Variants in CDHR3 observed in about 807,000 individuals in gnomAD.
The protein encoded by CDHR3 is cadherin-related family member 3.
Under a neutral mutation model 86.6 loss-of-function variants are expected in CDHR3, and 79 were observed. The ratio of observed to expected loss-of-function variants is 0.91; its 90% CI spans 0.76 to 1.10. CDHR3 has a LOEUF of 1.10. Among genes scored for constraint, CDHR3 ranks in the 50% least tolerant of loss-of-function variants. The pLI is 0.00. For missense variants in CDHR3, 1,081 were observed against 1,077.6 expected, an observed-to-expected ratio of 1.00 and a Z score of -0.04; for synonymous variants, 421 against 402.4, an observed-to-expected ratio of 1.05 and a Z score of -0.55.
chr7:105,988,075 G>A (rs1210452074), intron 4 of CDHR3, among the ~76,000 whole-genome samples: 1 of 152,150 alleles, frequency 6.6e-6, no homozygotes, highest in Non-Finnish European at 1.5e-5. Flanking sequence ...ATTTTTTATA[G>A]ATAGGGTTTC....
rs1160699179 is a variant in CDHR3, at chr7:106,020,530, A to T, written c.1811A>T (p.Tyr604Phe). The T allele has an allele frequency of 6.2e-7, 1 of 1,613,618 alleles. No individual in the cohort carries two copies. ...GATTCCAGCCCCAGATCTTTCCGTT[A>T]TTCCATTGGCCCAGGTATAGTACTT... ...DLDSSPRSFR[Y>F]SIGPGNVNNH... is the part of the protein sequence containing the mutation. The change falls in exon 13 of 19, where the codon TAT (tyrosine) becomes TTT (phenylalanine). Residue 604 changes from tyrosine (Y) to phenylalanine (F), a missense_variant. Physicochemically the swap from Tyr to Phe is conservative, Grantham distance 22. Coordinates refer to ENST00000317716, the MANE Select transcript of CDHR3 (RefSeq NM_152750.5).
At chr7:106,027,296 C>T (rs1179202241) in intron 16 of CDHR3, among the ~76,000 whole-genome samples, 3 of 151,782 alleles carry the variant, frequency 2.0e-5, no homozygotes, top group Admixed American at 2.0e-4. Context: ...ACTCGGGAGG[C>T]TGAGGCAGGA....
chr7:105,974,838 C>T lies in CDHR3; in HGVS notation c.47-6C>T, dbSNP rs750243356. Reference sequence around the variant, plus strand: ...CATGTCATCCTGCACCCTTTTTACTCCACAGGGGGAGAAGCACTACACCTA... The same window carrying T: ...CATGTCATCCTGCACCCTTTTTACTTCACAGGGGGAGAAGCACTACACCTA... On this transcript the variant is annotated splice_region_variant and splice_polypyrimidine_tract_variant and intron_variant, in intron 1 of 18. Transcript: ENST00000317716. The T allele has an allele frequency of 6.2e-7, 1 of 1,612,002 alleles. No homozygotes were observed. Among genetic ancestry groups the T allele is most frequent in the Non-Finnish European group, 8.5e-7 (1 of 1,179,004 alleles).
At chr7:106,024,220 A>G (rs1038496379) in intron 14 of CDHR3, among the ~76,000 whole-genome samples, 161 bp from the exon 15 acceptor site, 1 of 152,184 alleles carries the variant, frequency 6.6e-6, no homozygotes, top group Non-Finnish European at 1.5e-5. Flanking sequence ...ACTATAAATA[A>G]GGTGATGGGT....
At chr7:105,963,902 A>G (rs1325227279) in intron 1 of CDHR3, among the ~76,000 whole-genome samples, 1 of 152,200 alleles carries the variant, frequency 6.6e-6, no homozygotes, top group African/African-American at 2.4e-5. Context: ...AGAATCTTAG[A>G]TGATCTTTTT....
chr7:106,015,788 A>G (rs1221658462), intron 10 of CDHR3, 139 bp from the exon 11 acceptor site: 5 of 701,366 alleles, frequency 7.1e-6, no homozygotes, highest in Non-Finnish European at 1.3e-5. Context: ...GGCATCTAAA[A>G]GGCAGGAGCT....
chr7:105,980,607 ATTT>A lies in CDHR3; in HGVS notation c.250-349_250-347del, dbSNP rs35517726. On this transcript the variant is annotated intron_variant, in intron 2 of 18. Transcript: ENST00000317716. ...AAGGTTTTTTTTTTTTTTTTTTTTA[ATTT>A]TTTTTTTTTTTAATTTTTTTTTTTT... is the stretch of plus-strand genomic sequence containing the variant. Among the ~76,000 whole-genome samples, 663 of 98,522 alleles carry A rather than the reference ATTT, an allele frequency of 6.7e-3. 29 individuals are homozygous for A. Among genetic ancestry groups the A allele is most frequent in the Middle Eastern group, 0.012 (2 of 162 alleles). The allele number at this position is 98,522 out of a possible 152,430, so 64.6% of individuals were successfully genotyped here.
At chr7:105,969,051 G>A (rs562546265) in intron 1 of CDHR3, among the ~76,000 whole-genome samples, 2 of 150,892 alleles carry the variant, frequency 1.3e-5, no homozygotes, top group Non-Finnish European at 2.9e-5. Flanking sequence ...TCGCGCCACT[G>A]CACTCCAGCC....
intron 16 of CDHR3, chr7:106,027,659 TAAA>T: frequency 7.6e-6 from 3 of 396,326 alleles, no homozygotes; most frequent in Non-Finnish European, 1.5e-5. Flanking sequence ...GTGTTTTAAT[TAAA>T]AAAAAAAAAA....
rs777964742 is a variant in CDHR3, at chr7:106,034,551, G to T, written c.*1854G>T. Among the ~76,000 whole-genome samples, 1 of 152,238 alleles carries T rather than the reference G, an allele frequency of 6.6e-6. No homozygotes were observed. Among genetic ancestry groups the T allele is most frequent in the Non-Finnish European group, 1.5e-5 (1 of 68,036 alleles). On this transcript the variant is annotated 3_prime_UTR_variant, in exon 19 of 19. Transcript: ENST00000317716. The stretch of plus-strand genomic sequence containing the variant: ...GATTGAGCGTGATTTATTAATAAGG[G>T]TTGGTTGCCAGGGAACTCCCTTGAA...
chr7:106,006,990 C>A (rs556472599), intron 8 of CDHR3, among the ~76,000 whole-genome samples: 2 of 152,230 alleles, frequency 1.3e-5, no homozygotes, highest in Non-Finnish European at 2.9e-5. Context: ...CAAATCTAAG[C>A]GGAGGTTCTC....
intron 2 of CDHR3, among the ~76,000 whole-genome samples, chr7:105,979,455 C>T (rs896464242): frequency 9.2e-5 from 14 of 152,190 alleles, no homozygotes; most frequent in Non-Finnish European, 1.6e-4. Context: ...TCTTAACCAA[C>T]CTAGAACTTG....
At chr7:105,981,209 A>G in intron 3 of CDHR3, 76 bp downstream of exon 3, 1 of 1,437,846 alleles carries the variant, frequency 7.0e-7, no homozygotes. Flanking sequence ...AGAGAAACAG[A>G]AAAAGTAAAT....
intron 13 of CDHR3, 138 bp downstream of exon 13, chr7:106,020,682 T>C (rs1585815509): frequency 2.2e-6 from 2 of 926,748 alleles, no homozygotes; most frequent in South Asian, 1.9e-5. Flanking sequence ...TGAGATAGGG[T>C]CTTGCTATGC....
rs567802028 is a variant in CDHR3 at position 105,974,827 on chromosome 7, C to A, written c.47-17C>A. On this transcript the variant is annotated splice_polypyrimidine_tract_variant and intron_variant, in intron 1 of 18. Transcript: ENST00000317716. ...GGCTTTGTGTTCATGTCATCCTGCACCCTTTTTACTCCACAGGGGGAGAAG... is the reference window on the plus strand; with the variant it reads ...GGCTTTGTGTTCATGTCATCCTGCAACCTTTTTACTCCACAGGGGGAGAAG... 2.5e-6 allele frequency: 4 copies of A among 1,605,580 alleles called. No homozygotes were observed. In the South Asian group the frequency reaches 4.4e-5, roughly 18 times the overall value.
intron 8 of CDHR3, 24 bp downstream of exon 8, chr7:106,004,711 C>G (rs1479383376): frequency 6.2e-7 from 1 of 1,612,092 alleles, no homozygotes; most frequent in Non-Finnish European, 8.5e-7. Context: ...GAAAGTTGGG[C>G]TGGACATTCT....
rs1836766040 is a variant in CDHR3 at position 106,022,716 on chromosome 7, G to T, written c.2076+268G>T. 1.3e-5 allele frequency among the ~76,000 whole-genome samples: 2 copies of T among 152,204 alleles called. 1 individual carries two copies. Among genetic ancestry groups the T allele is most frequent in the Non-Finnish European group, 2.9e-5 (2 of 68,048 alleles). ...GTTGTTTGTGCAGAGACTTGTGAGAGATCAGACCTCAACCATCTGTGTGGC... is the reference window on the plus strand; with the variant it reads ...GTTGTTTGTGCAGAGACTTGTGAGATATCAGACCTCAACCATCTGTGTGGC... On this transcript the variant is annotated intron_variant, in intron 14 of 18. Transcript: ENST00000317716.
intron 8 of CDHR3, among the ~76,000 whole-genome samples, chr7:106,009,263 C>T (rs902919220): frequency 6.6e-6 from 1 of 152,140 alleles, no homozygotes; most frequent in African/African-American, 2.4e-5. Flanking sequence ...GGAAGGGCAA[C>T]GAAAGGGACC....
At chr7:105,983,115 A>C (rs1830015040) in intron 3 of CDHR3, among the ~76,000 whole-genome samples, 1 of 152,062 alleles carries the variant, frequency 6.6e-6, no homozygotes, top group Non-Finnish European at 1.5e-5. Context: ...AATGTTTCTC[A>C]CTAATATACA....
Sources: allele counts gnomAD v4.1 joint callset (sites outside exome capture counted in the v4.1 genomes callset), GRCh38; gene constraint gnomAD v4.1.1; transcripts MANE v1.5; gene names NCBI Gene and HGNC (gene_info 2026-07-23, HGNC 2026-07-21).